Variants in AVEN observed in about 807,000 individuals in gnomAD.
AVEN encodes cell death regulator Aven.
Under a neutral mutation model 38.1 loss-of-function variants are expected in AVEN, and 41 were observed. The ratio of observed to expected loss-of-function variants is 1.08; its 90% CI spans 0.84 to 1.40. AVEN has a LOEUF of 1.40. Among genes scored for constraint, AVEN ranks in the 40% most tolerant of loss-of-function variants. The probability of loss-of-function intolerance (pLI) is 0.00; values close to 1 mark genes in which losing one functional copy is unlikely to be tolerated. For synonymous variants in AVEN, 206 were observed against 171.8 expected (o/e 1.20, Z -1.56); for missense variants, 605 against 438.8 (o/e 1.38, Z -3.38).
chr15:33,924,580 T>A (rs1178536075), intron 2 of AVEN, among the ~76,000 whole-genome samples: 1 of 152,104 alleles, frequency 6.6e-6, no homozygotes, highest in Non-Finnish European at 1.5e-5. Context: ...CCACAGCCTC[T>A]CAAAGTGCTG....
At position 34,039,102 on chromosome 15, in the gene AVEN, C is replaced by A; in HGVS notation, c.-56G>T. ...GGAGCCGAGCTGCGGCGGAGACGCC[C>A]TGGCCCCACCGGAAGCGGGCCGCAC... On this transcript the variant is annotated 5_prime_UTR_variant, in exon 1 of 6. In the 5' UTR this introduces an upstream ATG that the reference lacks. Transcript: ENST00000306730. 1 of 1,064,494 alleles carries A rather than the reference C, an allele frequency of 9.4e-7. No individual in the cohort carries two copies. The highest frequency in any genetic ancestry group is 4.5e-5 in the South Asian group (1 of 22,452). 65.9% of individuals were successfully genotyped at this position (1,064,494 alleles called of 1,614,324 possible).
In AVEN at chr15:34,063,274, A is replaced by G; in HGVS notation, n.1285T>C. 1.9e-6 allele frequency: 3 copies of G among 1,614,120 alleles called. No individual in the cohort carries two copies. Among genetic ancestry groups the G allele is most frequent in the Non-Finnish European group, 2.5e-6 (3 of 1,180,032 alleles). On this transcript the variant is annotated non_coding_transcript_exon_variant, in exon 5 of 12. Coordinates refer to the AVEN transcript ENST00000675287. This position sits in a 1 kb window ranked among gnomAD's most constrained non-coding sequence, Gnocchi z 4.1. ...GTTCCACTGGATGAGTGCCAGATCCAGTTTCTCTCTGAGCCCACCATCACT... is the reference window on the plus strand; with the variant it reads ...GTTCCACTGGATGAGTGCCAGATCCGGTTTCTCTCTGAGCCCACCATCACT...
chr15:33,961,835 A>G (rs1020946188), intron 2 of AVEN, among the ~76,000 whole-genome samples: 24 of 148,074 alleles, frequency 1.6e-4, no homozygotes, highest in East Asian at 5.9e-4. Context: ...AAAAAAAAAA[A>G]AAAGAAAACG....
intron 1 of AVEN, among the ~76,000 whole-genome samples, chr15:34,037,839 T>C (rs1473728945): frequency 1.3e-5 from 2 of 152,176 alleles, no homozygotes; most frequent in African/African-American, 2.4e-5. Flanking sequence ...CCTCAAGATA[T>C]TGTAAATACT....
intron 2 of AVEN, among the ~76,000 whole-genome samples, chr15:33,877,832 C>T (rs976630008): frequency 1.3e-5 from 2 of 152,164 alleles, no homozygotes; most frequent in African/African-American, 4.8e-5. Context: ...GCCTATAATC[C>T]CAGCTACTCA....
At chr15:33,973,548 T>G (rs567808548) in intron 2 of AVEN, among the ~76,000 whole-genome samples, 1 of 152,138 alleles carries the variant, frequency 6.6e-6, no homozygotes, top group African/African-American at 2.4e-5. Context: ...CCTTGTTAGA[T>G]TCCATTGAAA....
chr15:33,886,226 G>A (rs1220373994), intron 2 of AVEN, among the ~76,000 whole-genome samples: 1 of 152,146 alleles, frequency 6.6e-6, no homozygotes, highest in Non-Finnish European at 1.5e-5. Context: ...GTCATGAAAG[G>A]GACCCAGTGG....
At chr15:33,980,105 G>GC (rs1430043799) in intron 2 of AVEN, among the ~76,000 whole-genome samples, 1 of 152,214 alleles carries the variant, frequency 6.6e-6, no homozygotes, top group East Asian at 1.9e-4. Context: ...TTATCTCATA[G>GC]TAAACTAGTA....
intron 2 of AVEN, among the ~76,000 whole-genome samples, chr15:33,887,995 A>C (rs1409776532): frequency 1.3e-5 from 2 of 152,210 alleles, no homozygotes; most frequent in Admixed American, 6.5e-5. Context: ...CAGGGAGAGC[A>C]GATGAGAAAG....
At chr15:33,974,759 G>A (rs1213724372) in intron 2 of AVEN, among the ~76,000 whole-genome samples, 1 of 152,184 alleles carries the variant, frequency 6.6e-6, no homozygotes, top group Non-Finnish European at 1.5e-5. Context: ...GATCACCTGA[G>A]GTCAGGGGTT....
In AVEN at chr15:33,876,004, A is replaced by AT; in HGVS notation, c.446-10_446-9insA. 6.2e-7 allele frequency: 1 copy of AT among 1,601,354 alleles called. No individual in the cohort carries two copies. Among genetic ancestry groups the AT allele is most frequent in the Non-Finnish European group, 8.5e-7 (1 of 1,176,186 alleles). On this transcript the variant is annotated splice_polypyrimidine_tract_variant and intron_variant, in intron 2 of 5. Transcript: ENST00000306730. ...CTGTGAGAATGAGTCCCCTAGGAAT[A>AT]GGAAAAAAAAAAAAATTTATGCAAA...
At chr15:33,891,417 G>A (rs1450296450) in intron 2 of AVEN, among the ~76,000 whole-genome samples, 1 of 152,012 alleles carries the variant, frequency 6.6e-6, no homozygotes, top group Non-Finnish European at 1.5e-5. Flanking sequence ...GGTGTATGAT[G>A]TTCCCCTCCC....
chr15:33,889,290 G>A (rs1271312079), intron 2 of AVEN, among the ~76,000 whole-genome samples: 1 of 152,124 alleles, frequency 6.6e-6, no homozygotes, highest in Non-Finnish European at 1.5e-5. Flanking sequence ...AATAATGCTA[G>A]TCTTTTAATC....
chr15:34,049,666 T>C (rs930130322), intron 5 of AVEN, among the ~76,000 whole-genome samples: 2 of 151,858 alleles, frequency 1.3e-5, no homozygotes, highest in African/African-American at 4.8e-5. Context: ...AACGTTCAAA[T>C]TGAAAAAATG....
intron 3 of AVEN, chr15:34,066,195 A>T (rs1157451575): frequency 6.6e-6 from 1 of 152,286 alleles, no homozygotes; most frequent in Non-Finnish European, 1.5e-5. Flanking sequence ...TAATTGGCTC[A>T]GTTCTCCAGC....
intron 1 of AVEN, among the ~76,000 whole-genome samples, chr15:34,037,019 G>A (rs57987098): frequency 0.059 from 9,030 of 151,800 alleles, 552 homozygotes; most frequent in East Asian, 0.33. Flanking sequence ...TGAGGCAGGA[G>A]AATCACTTGA....
Position 33,866,244 on chromosome 15 carries a change from G to C in AVEN, c.*369C>G, listed in dbSNP as rs565117803. 9.7e-6 allele frequency: 2 copies of C among 206,884 alleles called. No individual in the cohort carries two copies. The highest frequency in any genetic ancestry group is 1.1e-4 in the South Asian group (1 of 8,846). The allele number at this position is 206,884 out of a possible 1,614,324, so 12.8% of individuals were successfully genotyped here. On this transcript the variant is annotated 3_prime_UTR_variant, in exon 6 of 6. Coordinates refer to ENST00000306730, the MANE Select transcript of AVEN (RefSeq NM_020371.3). Reference sequence around the variant, plus strand: ...AGGAAAACTGGACAGACCAGCATTTGTTTATTTTGGCCAAATGCATGCCTT... The same window carrying C: ...AGGAAAACTGGACAGACCAGCATTTCTTTATTTTGGCCAAATGCATGCCTT...
chr15:34,008,932 A>G (rs1897499115), intron 1 of AVEN, among the ~76,000 whole-genome samples: 1 of 118,202 alleles, frequency 8.5e-6, no homozygotes, highest in Non-Finnish European at 1.8e-5. Flanking sequence ...AAATTAAAAC[A>G]CACACTCACA....
At position 33,859,306 on chromosome 15, in the gene AVEN, T is replaced by C. The variant is rs1390940574; in HGVS notation, n.2730-212A>G. ...GGCCATACTCATCAAGGCTTAAAGATCTTTTAACTTATATACACCTTTAAT... is the reference window on the plus strand; with the variant it reads ...GGCCATACTCATCAAGGCTTAAAGACCTTTTAACTTATATACACCTTTAAT... On this transcript the variant is annotated intron_variant and non_coding_transcript_variant, in intron 11 of 11. Transcript: ENST00000675287. Among the ~76,000 whole-genome samples, 3 of 152,258 alleles carry C rather than the reference T, an allele frequency of 2.0e-5. No homozygotes were observed. The East Asian group carries it at 5.8e-4, about 29-fold the overall frequency.
Sources: gnomAD v4.1 joint callset for allele counts (sites outside exome capture counted in the v4.1 genomes callset) on GRCh38, gnomAD v4.1.1 for gene constraint, Gnocchi (gnomAD v3.1) non-coding constraint, MANE v1.5 for transcripts, NCBI Gene and HGNC (gene_info 2026-07-23, HGNC 2026-07-21) for gene names.